The following SETD2 variants were observed in gnomAD, a reference collection of about 807,000 sequenced individuals.
SETD2 encodes SET domain containing 2, histone lysine methyltransferase, also known as histone-lysine N-methyltransferase SETD2.
In SETD2, 31 loss-of-function variants were observed where a neutral mutation model predicts 242.1. The observed-to-expected ratio is 0.13, with a 90% CI of 0.10 to 0.17. SETD2 has a LOEUF of 0.17. Ranked by LOEUF, SETD2 falls within the 10% of genes least tolerant of loss-of-function variation. The pLI, the probability that SETD2 is intolerant of heterozygous loss-of-function variation, is 1.00. For missense variants in SETD2, 2,481 were observed against 3,046.3 expected, an observed-to-expected ratio of 0.81 and a Z score of 4.37; for synonymous variants, 1,006 against 1,066.5, an observed-to-expected ratio of 0.94 and a Z score of 1.11.
At chr3:47,049,931 A>G (rs1280869627) in intron 15 of SETD2, among the ~76,000 whole-genome samples, 1 of 145,160 alleles carries the variant, frequency 6.9e-6, no homozygotes, top group African/African-American at 2.5e-5. Context: ...TTATATATAA[A>G]CTTATTCTAT....
At chr3:47,046,784 C>G (rs1575683232) in intron 15 of SETD2, 163 bp from the exon 16 acceptor site, 2 of 459,342 alleles carry the variant, frequency 4.4e-6, no homozygotes, top group East Asian at 7.2e-5. Context: ...TGTTTCAAAC[C>G]CCAAAGTTTC....
chr3:47,131,352 T>A (rs1307767693), intron 1 of SETD2, among the ~76,000 whole-genome samples: 1 of 152,166 alleles, frequency 6.6e-6, no homozygotes, highest in Non-Finnish European at 1.5e-5. Flanking sequence ...TAAATTAATT[T>A]TTTTTCTTTG....
At chr3:47,044,197 G>A (rs1372648356) in intron 16 of SETD2, among the ~76,000 whole-genome samples, 1 of 151,416 alleles carries the variant, frequency 6.6e-6, no homozygotes, top group Non-Finnish European at 1.5e-5. Context: ...AAAAGTATTA[G>A]CCAGGTGTGG....
chr3:47,060,152 G>C (rs536265966), intron 14 of SETD2, among the ~76,000 whole-genome samples: 2 of 152,154 alleles, frequency 1.3e-5, no homozygotes, highest in African/African-American at 4.8e-5. Flanking sequence ...CTACTGGATG[G>C]GTGCTGAAGT....
At chr3:47,102,120 C>T (rs941133669) in intron 7 of SETD2, among the ~76,000 whole-genome samples, 4 of 152,182 alleles carry the variant, frequency 2.6e-5, no homozygotes, top group South Asian at 2.1e-4. Flanking sequence ...GGGGCAGATA[C>T]ATGTTAGGCA....
rs537685350 is a variant in SETD2 at position 47,129,373 on chromosome 3, T to C, written c.72-2710A>G. On this transcript the variant is annotated intron_variant, in intron 1 of 20. Coordinates refer to ENST00000409792, the MANE Select transcript of SETD2 (RefSeq NM_014159.7). ...CACAATCCAACTTTCCAGAGACAAC[T>C]ACTGTTAACACTTTGATCTACAGAG... 1.2e-3 allele frequency among the ~76,000 whole-genome samples: 183 copies of C among 152,336 alleles called. 2 individuals are homozygous for C. The highest frequency in any genetic ancestry group is 1.5e-3 in the Non-Finnish European group (104 of 68,032).
At chr3:47,018,429 T>A (rs1251256039) in intron 19 of SETD2, among the ~76,000 whole-genome samples, 2 of 152,070 alleles carry the variant, frequency 1.3e-5, no homozygotes, top group African/African-American at 4.8e-5. Context: ...TCATAGCCAT[T>A]TCATCAGAGA....
At chr3:47,134,656 G>A (rs1032731060) in intron 1 of SETD2, among the ~76,000 whole-genome samples, 5 of 151,510 alleles carry the variant, frequency 3.3e-5, no homozygotes, top group Non-Finnish European at 7.4e-5. Context: ...TTGAGACAGA[G>A]TCTCACTCTG....
chr3:47,144,498 G>A (rs759004077), intron 1 of SETD2, among the ~76,000 whole-genome samples: 16 of 152,176 alleles, frequency 1.1e-4, no homozygotes, highest in Non-Finnish European at 1.3e-4. Context: ...TTAGCTAGGC[G>A]TGGTGGTGCA....
chr3:47,049,883 T>C (rs533596367), intron 15 of SETD2, among the ~76,000 whole-genome samples: 1 of 135,422 alleles, frequency 7.4e-6, no homozygotes, highest in Admixed American at 8.0e-5. Flanking sequence ...GAGTTTATAG[T>C]ATATATTATA....
Position 47,130,867 on chromosome 3 carries a change from GAATCC to G in SETD2, c.72-4209_72-4205del, listed in dbSNP as rs1253259048. ...TTGCTGATGGAATTATATATTTAAA[GAATCC>G]ATATCAACACGAAGATAAATCTCTA... is the stretch of plus-strand genomic sequence containing the variant. On this transcript the variant is annotated intron_variant, in intron 1 of 20. Coordinates refer to ENST00000409792, the MANE Select transcript of SETD2 (RefSeq NM_014159.7). Among the ~76,000 whole-genome samples the G allele has an allele frequency of 2.6e-5, 4 of 151,984 alleles. No homozygotes were observed. In the East Asian group the frequency reaches 7.7e-4, roughly 29 times the overall value.
At chr3:47,043,790 TC>T (rs1459385364) in intron 16 of SETD2, among the ~76,000 whole-genome samples, 1 of 152,118 alleles carries the variant, frequency 6.6e-6, no homozygotes, top group Non-Finnish European at 1.5e-5. Context: ...TTTCAATTCC[TC>T]CATTACCCTA....
chr3:47,094,317 T>C (rs1218261211), intron 9 of SETD2, among the ~76,000 whole-genome samples: 4 of 152,208 alleles, frequency 2.6e-5, no homozygotes, highest in Admixed American at 1.3e-4. Context: ...GAAGAGCTTA[T>C]AGTTTGGTTA....
At chr3:47,136,082 T>C (rs998630917) in intron 1 of SETD2, among the ~76,000 whole-genome samples, 4 of 152,184 alleles carry the variant, frequency 2.6e-5, no homozygotes, top group African/African-American at 9.7e-5. Context: ...AAATATAGCA[T>C]GGTCAAAATT....
At chr3:47,119,827 T>C (rs1248643740) in intron 3 of SETD2, 3 of 478,678 alleles carry the variant, frequency 6.3e-6, no homozygotes, top group East Asian at 6.4e-5. Context: ...TTTTTTCTTC[T>C]CTAAGTACAG....
intron 1 of SETD2, chr3:47,138,175 T>C (rs1278769338): frequency 6.4e-6 from 1 of 156,440 alleles, no homozygotes; most frequent in Non-Finnish European, 1.4e-5. Flanking sequence ...GGTTTCACCG[T>C]GTCAGCCAGG....
intron 3 of SETD2, among the ~76,000 whole-genome samples, chr3:47,116,979 G>A (rs1370776702): frequency 6.6e-6 from 1 of 151,912 alleles, no homozygotes; most frequent in African/African-American, 2.4e-5. Context: ...GAATAGCTGG[G>A]ACCACAGCTC....
At chr3:47,137,652 A>C (rs754736088) in intron 1 of SETD2, among the ~76,000 whole-genome samples, 1 of 152,140 alleles carries the variant, frequency 6.6e-6, no homozygotes, top group Non-Finnish European at 1.5e-5. Context: ...ACCACTTAGA[A>C]GATATGGAGC....
intron 16 of SETD2, among the ~76,000 whole-genome samples, chr3:47,046,021 T>C (rs1354935547): frequency 2.0e-5 from 3 of 151,874 alleles, no homozygotes; most frequent in Non-Finnish European, 4.4e-5. Context: ...GTGGCTCAGG[T>C]GAATTTGGTG....
Sources: gnomAD v4.1 joint callset for allele counts (sites outside exome capture counted in the v4.1 genomes callset) on GRCh38, gnomAD v4.1.1 for gene constraint, MANE v1.5 for transcripts, NCBI Gene and HGNC (gene_info 2026-07-23, HGNC 2026-07-21) for gene names.